CTNNA2: variants seen among roughly 807,000 people sequenced by gnomAD.
CTNNA2 encodes catenin alpha 2, also known as catenin alpha-2.
CTNNA2 carries 42 observed loss-of-function variants against 101.0 expected under a neutral mutation model. The observed-to-expected ratio is 0.42, with a 90% confidence interval of 0.32 to 0.54. CTNNA2 has a LOEUF of 0.54. Among genes scored for constraint, CTNNA2 ranks in the 20% least tolerant of loss-of-function variants. The pLI is 0.14. For synonymous variants in CTNNA2, 450 were observed against 456.4 expected, an observed-to-expected ratio of 0.99 and a Z score of 0.18; for missense variants, 871 against 1,223.1, an observed-to-expected ratio of 0.71 and a Z score of 4.29.
At chr2:79,840,835 T>C (rs965966758) in intron 3 of CTNNA2, among the ~76,000 whole-genome samples, 119 of 151,390 alleles carry the variant, frequency 7.9e-4, no homozygotes, top group African/African-American at 2.8e-3. Context: ...CGTGGCGCGA[T>C]CTCGGCTCAC....
At chr2:79,460,105 A>G (rs1670863693) in intron 4 of CTNNA2, among the ~76,000 whole-genome samples, 1 of 151,938 alleles carries the variant, frequency 6.6e-6, no homozygotes, top group Admixed American at 6.6e-5. Context: ...CTTCTTTTTA[A>G]TTCTCTCTCT....
At chr2:79,676,372 C>A (rs990417169) in intron 2 of CTNNA2, among the ~76,000 whole-genome samples, 4 of 152,126 alleles carry the variant, frequency 2.6e-5, no homozygotes, top group African/African-American at 9.7e-5. Context: ...CACATACCAG[C>A]TGTCACACCC....
intron 9 of CTNNA2, among the ~76,000 whole-genome samples, chr2:80,430,211 C>G (rs1417602217): frequency 6.6e-6 from 1 of 152,082 alleles, no homozygotes; most frequent in Non-Finnish European, 1.5e-5. Context: ...ATTAAGTACC[C>G]TTACAAAGAA....
chr2:79,627,292 A>G (rs888061419), intron 1 of CTNNA2, among the ~76,000 whole-genome samples: 3 of 152,246 alleles, frequency 2.0e-5, no homozygotes, highest in African/African-American at 4.8e-5. Context: ...TATAAACCAT[A>G]AAACAAGTTA....
At chr2:80,055,877 A>T (rs542901455) in intron 7 of CTNNA2, among the ~76,000 whole-genome samples, 1 of 152,338 alleles carries the variant, frequency 6.6e-6, no homozygotes, top group South Asian at 2.1e-4. Flanking sequence ...AACCCAGGAT[A>T]CGTGCAAAAC....
intron 7 of CTNNA2, among the ~76,000 whole-genome samples, chr2:80,377,247 T>C (rs1676042521): frequency 6.6e-6 from 1 of 152,236 alleles, no homozygotes; most frequent in African/African-American, 2.4e-5. Flanking sequence ...AGACATTCAA[T>C]CCATCTGTCT....
chr2:79,400,199 A>C (rs574222643), intron 4 of CTNNA2, among the ~76,000 whole-genome samples: 59 of 152,180 alleles, frequency 3.9e-4, no homozygotes, highest in African/African-American at 1.3e-3. Context: ...AGACAGTCAG[A>C]TACGCATTTA....
At chr2:79,900,907 G>A (rs1482480669) in intron 6 of CTNNA2, among the ~76,000 whole-genome samples, 1 of 152,036 alleles carries the variant, frequency 6.6e-6, no homozygotes, top group Non-Finnish European at 1.5e-5. Context: ...AAAATATCCT[G>A]TGTACCCCAT....
At chr2:79,571,214 A>G (rs1285702101) in intron 1 of CTNNA2, among the ~76,000 whole-genome samples, 1 of 152,152 alleles carries the variant, frequency 6.6e-6, no homozygotes, top group Non-Finnish European at 1.5e-5. Flanking sequence ...CTCATTTGGA[A>G]TGGTCAGTAA....
At chr2:79,696,939 CTCTT>C (rs1684687876) in intron 2 of CTNNA2, among the ~76,000 whole-genome samples, 2 of 151,944 alleles carry the variant, frequency 1.3e-5, no homozygotes, top group African/African-American at 4.8e-5. Context: ...TAATTGCTAT[CTCTT>C]CTAATCCATT....
At chr2:79,766,979 C>G (rs564841419) in intron 3 of CTNNA2, among the ~76,000 whole-genome samples, 1 of 152,130 alleles carries the variant, frequency 6.6e-6, no homozygotes, top group South Asian at 2.1e-4. Context: ...TGATCTTGAA[C>G]TCCTGACCTC....
chr2:80,393,609 C>T (rs1677728207), intron 8 of CTNNA2, among the ~76,000 whole-genome samples: 1 of 152,124 alleles, frequency 6.6e-6, no homozygotes, highest in Non-Finnish European at 1.5e-5. Flanking sequence ...CAAGAGCCTG[C>T]CTCTGATCTT....
intron 1 of CTNNA2, among the ~76,000 whole-genome samples, chr2:79,514,048 C>T (rs532565255): frequency 6.6e-6 from 1 of 152,266 alleles, no homozygotes; most frequent in South Asian, 2.1e-4. Context: ...TGGAATTGAA[C>T]CCGTGTGTCC....
At chr2:79,940,960 G>A (rs35501636) in intron 7 of CTNNA2, among the ~76,000 whole-genome samples, 46,807 of 151,908 alleles carry the variant, frequency 0.31, 7,462 homozygotes, top group Admixed American at 0.42. Flanking sequence ...ATTGTAAGTC[G>A]AGGACCATGC....
chr2:80,044,953 C>T (rs1267139304), intron 7 of CTNNA2, among the ~76,000 whole-genome samples: 1 of 152,112 alleles, frequency 6.6e-6, no homozygotes, highest in Non-Finnish European at 1.5e-5. Flanking sequence ...CTGCAGTACA[C>T]TCAAGTTATT....
At chr2:80,336,399 C>T (rs975596473) in intron 7 of CTNNA2, among the ~76,000 whole-genome samples, 1 of 152,190 alleles carries the variant, frequency 6.6e-6, no homozygotes, top group South Asian at 2.1e-4. Context: ...ATTATAGCAA[C>T]CCGCCCCCTC....
intron 4 of CTNNA2, among the ~76,000 whole-genome samples, chr2:79,441,990 C>A (rs1216976000): frequency 1.3e-5 from 2 of 152,186 alleles, no homozygotes; most frequent in African/African-American, 4.8e-5. Flanking sequence ...AAATTCACCC[C>A]TTTAGAGGAG....
chr2:79,562,076 A>T (rs184987360), intron 1 of CTNNA2, among the ~76,000 whole-genome samples: 1 of 151,896 alleles, frequency 6.6e-6, no homozygotes, highest in Non-Finnish European at 1.5e-5. Flanking sequence ...TTCTTCTGAG[A>T]GTTTTCTAGT....
intron 1 of CTNNA2, among the ~76,000 whole-genome samples, chr2:79,526,307 T>C (rs1245162905): frequency 1.3e-5 from 2 of 152,020 alleles, no homozygotes; most frequent in African/African-American, 4.8e-5. Context: ...GTGAAGATAC[T>C]AGAGGCTACA....
Sources: allele counts gnomAD v4.1 joint callset (sites outside exome capture counted in the v4.1 genomes callset), GRCh38; gene constraint gnomAD v4.1.1; transcripts MANE v1.5; gene names NCBI Gene and HGNC (gene_info 2026-07-23, HGNC 2026-07-21).